ZNF385D: variants seen among roughly 807,000 people sequenced by gnomAD.
ZNF385D encodes zinc finger protein 385D.
In ZNF385D, 15 loss-of-function variants were observed where a neutral mutation model predicts 35.8. The ratio of observed to expected loss-of-function variants is 0.42; its 90% CI spans 0.28 to 0.64. The LOEUF is 0.64. Among genes scored for constraint, ZNF385D ranks in the 30% least tolerant of loss-of-function variants. The probability of loss-of-function intolerance (pLI) is 0.23; values close to 1 mark genes in which losing one functional copy is unlikely to be tolerated. For missense variants in ZNF385D, 474 were observed against 494.6 expected, an observed-to-expected ratio of 0.96 and a Z score of 0.39; for synonymous variants, 212 against 186.8, an observed-to-expected ratio of 1.13 and a Z score of -1.10.
At chr3:22,109,462 T>C (rs996987745) in intron 3 of ZNF385D, among the ~76,000 whole-genome samples, 3 of 152,140 alleles carry the variant, frequency 2.0e-5, no homozygotes, top group South Asian at 4.1e-4. Context: ...TTACATCTTC[T>C]TGCTGGGTAG....
chr3:21,897,146 C>G (rs558392654), intron 3 of ZNF385D, among the ~76,000 whole-genome samples: 23 of 152,188 alleles, frequency 1.5e-4, no homozygotes, highest in Non-Finnish European at 3.2e-4. Context: ...CCTTTCGACT[C>G]TGCTAGTTTG....
chr3:21,875,054 G>T (rs558520415), intron 3 of ZNF385D, among the ~76,000 whole-genome samples: 1 of 151,786 alleles, frequency 6.6e-6, no homozygotes, highest in South Asian at 2.1e-4. Flanking sequence ...GTTATTCATT[G>T]TTTAGTGTAC....
intron 4 of ZNF385D, among the ~76,000 whole-genome samples, chr3:21,503,762 T>C (rs1706567010): frequency 6.6e-6 from 1 of 152,154 alleles, no homozygotes; most frequent in African/African-American, 2.4e-5. Context: ...GATATCTTCT[T>C]TATCATTAGA....
chr3:22,089,880 G>C (rs954793264), intron 3 of ZNF385D, among the ~76,000 whole-genome samples: 4 of 152,042 alleles, frequency 2.6e-5, no homozygotes, highest in Non-Finnish European at 5.9e-5. Context: ...TCTGTGGTCA[G>C]GCTGGAGTGC....
At chr3:21,559,780 G>GT (rs901814048) in intron 3 of ZNF385D, among the ~76,000 whole-genome samples, 1 of 152,180 alleles carries the variant, frequency 6.6e-6, no homozygotes, top group African/African-American at 2.4e-5. Flanking sequence ...CATTCTCCCT[G>GT]TCACTTTGAG....
chr3:22,290,488 C>G (rs1702245478), intron 2 of ZNF385D, among the ~76,000 whole-genome samples: 1 of 152,186 alleles, frequency 6.6e-6, no homozygotes, highest in African/African-American at 2.4e-5. Flanking sequence ...GCAAGGATCT[C>G]TGTCACTCAA....
chr3:22,123,711 A>G lies in ZNF385D; in HGVS notation c.325+45106T>C, dbSNP rs1009880233. ...CCCATCTCTACTAAAAAGTACAAAA[A>G]TTAGCTGGGTGTGGTGGTGGGCACC... On this transcript the variant is annotated intron_variant, in intron 3 of 5. Coordinates refer to the ZNF385D transcript ENST00000494108. 6.6e-5 allele frequency among the ~76,000 whole-genome samples: 10 copies of G among 152,088 alleles called. 1 individual carries two copies. The highest frequency in any genetic ancestry group is 2.6e-4 in the Admixed American group (4 of 15,252).
intron 3 of ZNF385D, among the ~76,000 whole-genome samples, chr3:22,007,090 A>G (rs532959763): frequency 7.9e-4 from 120 of 152,178 alleles, no homozygotes; most frequent in Non-Finnish European, 1.3e-3. Flanking sequence ...CAAACTGTTC[A>G]TATGTTTCAA....
At chr3:22,046,977 TAAAC>T (rs890370529) in intron 3 of ZNF385D, among the ~76,000 whole-genome samples, 2 of 152,156 alleles carry the variant, frequency 1.3e-5, no homozygotes, top group Admixed American at 6.6e-5. Flanking sequence ...CTAATTTGAA[TAAAC>T]AAACAACACA....
At chr3:21,689,387 C>T (rs2067210788) in intron 1 of ZNF385D, among the ~76,000 whole-genome samples, 1 of 152,034 alleles carries the variant, frequency 6.6e-6, no homozygotes, top group Non-Finnish European at 1.5e-5. Context: ...TGAACTGTGG[C>T]TCAAAACGAC....
chr3:22,239,988 G>A (rs1430314004), intron 2 of ZNF385D, among the ~76,000 whole-genome samples: 1 of 148,846 alleles, frequency 6.7e-6, no homozygotes, highest in Non-Finnish European at 1.5e-5. Flanking sequence ...ATCAGTCTGG[G>A]CAACATGGCA....
At chr3:21,992,562 T>C (rs925593571) in intron 3 of ZNF385D, among the ~76,000 whole-genome samples, 4 of 152,276 alleles carry the variant, frequency 2.6e-5, no homozygotes, top group Non-Finnish European at 4.4e-5. Flanking sequence ...GAGGATGAAA[T>C]AGTTTAAATC....
chr3:22,277,416 A>G (rs2125372861), intron 2 of ZNF385D, among the ~76,000 whole-genome samples: 1 of 152,252 alleles, frequency 6.6e-6, no homozygotes, highest in East Asian at 1.9e-4. Flanking sequence ...AAAGGCAACA[A>G]TTCATTCAGA....
chr3:21,581,813 A>C (rs1355814849), intron 2 of ZNF385D, among the ~76,000 whole-genome samples: 2 of 152,198 alleles, frequency 1.3e-5, no homozygotes, highest in Non-Finnish European at 2.9e-5. Flanking sequence ...CTGGCTGTAT[A>C]CTAAGAATCA....
At chr3:21,607,069 T>C (rs1265893134) in intron 2 of ZNF385D, among the ~76,000 whole-genome samples, 2 of 152,228 alleles carry the variant, frequency 1.3e-5, no homozygotes, top group Non-Finnish European at 2.9e-5. Flanking sequence ...AGACAATTTA[T>C]TTAACACTAA....
chr3:21,811,602 C>A (rs1315785832), intron 3 of ZNF385D, among the ~76,000 whole-genome samples: 1 of 152,110 alleles, frequency 6.6e-6, no homozygotes, highest in Non-Finnish European at 1.5e-5. Flanking sequence ...TAACTAACTT[C>A]TCTGAAACTT....
intron 2 of ZNF385D, among the ~76,000 whole-genome samples, chr3:21,589,939 A>G (rs1337029117): frequency 1.3e-5 from 2 of 152,190 alleles, no homozygotes; most frequent in Non-Finnish European, 2.9e-5. Context: ...TACTGAAGTC[A>G]TGATCCTAGT....
At chr3:21,827,902 TG>T (rs1199041413) in intron 3 of ZNF385D, among the ~76,000 whole-genome samples, 1 of 152,134 alleles carries the variant, frequency 6.6e-6, no homozygotes, top group Non-Finnish European at 1.5e-5. Flanking sequence ...CAAAGAGTGT[TG>T]GTAGAGGGCT....
intron 3 of ZNF385D, among the ~76,000 whole-genome samples, chr3:22,068,987 C>A (rs1284237538): frequency 6.6e-6 from 1 of 152,160 alleles, no homozygotes; most frequent in African/African-American, 2.4e-5. Context: ...CTCTCCCTTA[C>A]CCTCAGCTTT....
Sources: allele counts gnomAD v4.1 joint callset (sites outside exome capture counted in the v4.1 genomes callset), GRCh38; gene constraint gnomAD v4.1.1; transcripts MANE v1.5; gene names NCBI Gene and HGNC (gene_info 2026-07-23, HGNC 2026-07-21).